Variants in COL18A1 observed in about 807,000 individuals in gnomAD.
COL18A1 encodes collagen alpha-1(XVIII) chain.
A neutral mutation model predicts 168.0 loss-of-function variants in COL18A1; 133 were observed. The observed-to-expected ratio is 0.79, with a 90% confidence interval of 0.69 to 0.91. The LOEUF (loss-of-function observed/expected upper bound fraction) is 0.91. Among genes scored for constraint, COL18A1 ranks in the 40% least tolerant of loss-of-function variants. COL18A1 has a pLI of 0.00. For synonymous variants in COL18A1, 949 were observed against 809.0 expected, an observed-to-expected ratio of 1.17 and a Z score of -2.94; for missense variants, 2,126 against 1,925.4, an observed-to-expected ratio of 1.10 and a Z score of -1.95.
At chr21:45,419,164 A>G (rs2033543076) in intron 2 of COL18A1, among the ~76,000 whole-genome samples, 1 of 152,060 alleles carries the variant, frequency 6.6e-6, no homozygotes, top group South Asian at 2.1e-4. Flanking sequence ...GTGACATGCA[A>G]TTCCATGTAG....
chr21:45,454,116 T>C (rs1444930888), intron 2 of COL18A1, among the ~76,000 whole-genome samples: 1 of 152,150 alleles, frequency 6.6e-6, no homozygotes, highest in Non-Finnish European at 1.5e-5. Flanking sequence ...GTTTGAGCAG[T>C]GTGGGGATTC....
chr21:45,474,920 G>T (rs1260258066), intron 4 of COL18A1, among the ~76,000 whole-genome samples: 1 of 152,184 alleles, frequency 6.6e-6, no homozygotes, highest in African/African-American at 2.4e-5. Flanking sequence ...TCGTTCACAT[G>T]GCGGCCATGA....
At chr21:45,478,421 G>T in intron 9 of COL18A1, 68 bp downstream of exon 9, 1 of 1,607,412 alleles carries the variant, frequency 6.2e-7, no homozygotes, top group Non-Finnish European at 8.5e-7. Context: ...GGGCTTTGTT[G>T]CCAGTGACAC....
intron 29 of COL18A1, chr21:45,496,191 G>C (rs2036538125): frequency 1.8e-6 from 1 of 557,890 alleles, no homozygotes; most frequent in Non-Finnish European, 3.4e-6. Context: ...CAAGAGCTTT[G>C]TCTCCCTGAT....
chr21:45,467,452 T>C, intron 2 of COL18A1: 1 of 984,428 alleles, frequency 1.0e-6, no homozygotes, highest in Non-Finnish European at 1.2e-6. Flanking sequence ...CTCCAAGGGG[T>C]GATTGTGGCC....
intron 36 of COL18A1, 121 bp from the exon 37 acceptor site, chr21:45,505,717 T>C (rs2037161062): frequency 1.2e-6 from 1 of 838,954 alleles, no homozygotes; most frequent in South Asian, 1.5e-5. Flanking sequence ...GCCGCCTCAG[T>C]CCACACCTGT....
At chr21:45,506,403 G>T in intron 37 of COL18A1, 1 of 325,272 alleles carries the variant, frequency 3.1e-6, no homozygotes, top group Non-Finnish European at 6.0e-6. Flanking sequence ...ACACCAAGGT[G>T]GGATGAAATG....
Position 45,505,244 on chromosome 21 carries a change from A to C in COL18A1, c.2979A>C (p.Pro993=), listed in dbSNP as rs575364982. 1,297 of 1,565,278 alleles carry C rather than the reference A, an allele frequency of 8.3e-4. 12 individuals are homozygous for C. The African/African-American group carries it at 0.014, about 17-fold the overall frequency. ...GCCCTCCCGGCCCCCCAGGCCCCCCAGGGCCCCCTTCATTTCCTGGCCCTC... is the reference window on the plus strand; with the variant it reads ...GCCCTCCCGGCCCCCCAGGCCCCCCCGGGCCCCCTTCATTTCCTGGCCCTC... ...RQGPPGPPGP[P]GPPSFPGPHR... The change falls in exon 35 of 42, where the codon CCA becomes CCC. Residue 993 remains proline, a synonymous_variant. Transcript: ENST00000651438.
chr21:45,455,960 G>C (rs61759533), intron 2 of COL18A1: 1 of 1,613,068 alleles, frequency 6.2e-7, no homozygotes, highest in Non-Finnish European at 8.5e-7. Context: ...GGAAACCCTG[G>C]TCCTGGAGAC....
In COL18A1 at chr21:45,425,238, G is replaced by A. The variant is rs1176932423; in HGVS notation, c.106+19765G>A. Among the ~76,000 whole-genome samples, 2 of 152,116 alleles carry A rather than the reference G, an allele frequency of 1.3e-5. No individual in the cohort carries two copies. The highest frequency in any genetic ancestry group is 2.4e-5 in the African/African-American group (1 of 41,428). On this transcript the variant is annotated intron_variant, in intron 2 of 41. Transcript: ENST00000651438. This position sits in a 1 kb window ranked among gnomAD's most constrained non-coding sequence, Gnocchi z 4.1. ...TGTGTGCTGAGTGCAGTGTGACCGC[G>A]TCCGCCCGTCTCCCCGGACACGCCT...
chr21:45,495,002 A>T, intron 28 of COL18A1, 87 bp downstream of exon 28: 4 of 1,209,514 alleles, frequency 3.3e-6, no homozygotes, highest in Non-Finnish European at 4.8e-6. Flanking sequence ...ACATGCCCAG[A>T]GGGGAGTGGA....
intron 38 of COL18A1, 82 bp from the exon 39 acceptor site, chr21:45,509,274 C>A: frequency 6.6e-7 from 1 of 1,520,112 alleles, no homozygotes; most frequent in South Asian, 1.2e-5. Flanking sequence ...GCCCCTCTCA[C>A]CCAGCCCAGA....
At chr21:45,411,585 G>A (rs1002027702) in intron 2 of COL18A1, among the ~76,000 whole-genome samples, 2 of 152,076 alleles carry the variant, frequency 1.3e-5, no homozygotes, top group Admixed American at 6.5e-5. Context: ...CGCTGTGAAC[G>A]AGCAGTCACA....
chr21:45,492,657 C>A, intron 23 of COL18A1, 30 bp from the exon 24 acceptor site: 3 of 1,611,072 alleles, frequency 1.9e-6, no homozygotes, highest in Non-Finnish European at 2.5e-6. Context: ...TGCGTGATGA[C>A]CCCAGCTGAC....
chr21:45,482,179 C>T (rs1318197824), intron 14 of COL18A1, among the ~76,000 whole-genome samples, 154 bp downstream of exon 14: 1 of 152,234 alleles, frequency 6.6e-6, no homozygotes, highest in Non-Finnish European at 1.5e-5. Flanking sequence ...CTGGAGGTCA[C>T]CCTGACCTGG....
At chr21:45,466,638 G>A (rs2035225192) in intron 2 of COL18A1, among the ~76,000 whole-genome samples, 1 of 152,208 alleles carries the variant, frequency 6.6e-6, no homozygotes, top group Non-Finnish European at 1.5e-5. Flanking sequence ...TTTGGAAGCT[G>A]GCTTCTGAAG....
At chr21:45,505,732 A>T in intron 36 of COL18A1, 106 bp from the exon 37 acceptor site, 1 of 952,530 alleles carries the variant, frequency 1.0e-6, no homozygotes, top group South Asian at 1.4e-5. Flanking sequence ...ACCTGTCCAA[A>T]GCCCTGCGGC....
chr21:45,475,971 G>A (rs1330578453), intron 5 of COL18A1, among the ~76,000 whole-genome samples: 1 of 152,246 alleles, frequency 6.6e-6, no homozygotes, highest in Non-Finnish European at 1.5e-5. Flanking sequence ...ACACAGGAGG[G>A]GCGGGGAGTG....
rs1272197287 is a variant in COL18A1, at chr21:45,512,183, T to A, written c.3810-5T>A. 2 of 1,611,230 alleles carry A rather than the reference T, an allele frequency of 1.2e-6. No individual in the cohort carries two copies. The highest frequency in any genetic ancestry group is 1.7e-6 in the Non-Finnish European group (2 of 1,179,172). On this transcript the variant is annotated splice_polypyrimidine_tract_variant and splice_region_variant and intron_variant, in intron 41 of 41. Coordinates refer to ENST00000651438, the MANE Select transcript of COL18A1 (RefSeq NM_001379500.1). ...GTTTGACTGACGGCCCGGCGCGTCT[T>A]ACAGGCCCCAGAAGAGCGTGTGGCA...
Sources: allele counts gnomAD v4.1 joint callset (sites outside exome capture counted in the v4.1 genomes callset), GRCh38; gene constraint gnomAD v4.1.1; non-coding constraint Gnocchi (gnomAD v3.1); transcripts MANE v1.5; gene names NCBI Gene and HGNC (gene_info 2026-07-23, HGNC 2026-07-21).